The following PTK7 variants were observed in gnomAD, a reference collection of about 807,000 sequenced individuals.
PTK7 encodes protein tyrosine kinase 7 (inactive).
Under a neutral mutation model 116.6 loss-of-function variants are expected in PTK7, and 39 were observed. That is an observed-to-expected ratio of 0.33 (90% CI 0.26 to 0.44). PTK7 has a LOEUF of 0.44. Among genes scored for constraint, PTK7 ranks in the 20% least tolerant of loss-of-function variants. The pLI is 1.00. For synonymous variants in PTK7, 546 were observed against 563.6 expected, an observed-to-expected ratio of 0.97 and a Z score of 0.44; for missense variants, 1,169 against 1,425.6, an observed-to-expected ratio of 0.82 and a Z score of 2.90.
In PTK7 at chr6:43,130,404, C is replaced by T. The variant is rs1411572620; in HGVS notation, c.645C>T (p.Phe215=). The T allele has an allele frequency of 6.2e-7, 1 of 1,606,506 alleles. No homozygotes were observed. The highest frequency in any genetic ancestry group is 1.1e-5 in the South Asian group (1 of 90,778). The part of the protein sequence containing the change: ...AFGQACSSQN[F]TLSIADESFA... Reference sequence around the variant, plus strand: ...GCCAGGCTTGCAGCAGCCAGAACTTCACCTTGAGCATTGCTGGTGAGCCTG... The same window carrying T: ...GCCAGGCTTGCAGCAGCCAGAACTTTACCTTGAGCATTGCTGGTGAGCCTG... Residue 215 remains phenylalanine (F), a synonymous_variant, in exon 4 of 20, where the codon TTC becomes TTT. Transcript: ENST00000230419.
At chr6:43,144,854 TA>T (rs1020743105) in intron 15 of PTK7, 912 of 334,180 alleles carry the variant, frequency 2.7e-3, no homozygotes, top group East Asian at 3.5e-3. Flanking sequence ...ATTGACTCTT[TA>T]AAAAAAAAAA....
intron 1 of PTK7, among the ~76,000 whole-genome samples, chr6:43,107,891 C>T (rs1767980161): frequency 6.6e-6 from 1 of 152,206 alleles, no homozygotes; most frequent in Non-Finnish European, 1.5e-5. Flanking sequence ...TGCATCTGTC[C>T]TCAGGAAGCT....
intron 1 of PTK7, among the ~76,000 whole-genome samples, chr6:43,102,601 A>C (rs998984434): frequency 1.3e-5 from 2 of 150,426 alleles, no homozygotes; most frequent in Non-Finnish European, 3.0e-5. Context: ...CTACCCCACC[A>C]AAAAAAAACC....
At chr6:43,116,293 G>A (rs1301371782) in intron 1 of PTK7, among the ~76,000 whole-genome samples, 1 of 152,188 alleles carries the variant, frequency 6.6e-6, no homozygotes. Context: ...CAGCTGGCCA[G>A]CCGTGAGAAG....
chr6:43,094,206 C>G (rs1411643468), intron 1 of PTK7, among the ~76,000 whole-genome samples: 1 of 152,146 alleles, frequency 6.6e-6, no homozygotes, highest in Non-Finnish European at 1.5e-5. Context: ...GTTACTTAGG[C>G]CTGGAAAGTA....
rs1193635839 is a variant in PTK7, at chr6:43,129,007, A to G, written c.110A>G (p.Gln37Arg). The change falls in exon 2 of 20, where the codon CAG becomes CGG. Residue 37 changes from glutamine to arginine, a missense_variant. Gln to Arg is a conservative substitution (Grantham distance 43). Coordinates refer to ENST00000230419, the MANE Select transcript of PTK7 (RefSeq NM_002821.5). The surrounding 1 kb of genome is among the most constrained non-coding windows in gnomAD (Gnocchi z 4.5). ...CAGACAGCCATTGTCTTCATCAAGC[A>G]GCCGTCCTCCCAGGATGCACTGCAG... Reference protein sequence around the residue: ...GTQTAIVFIKQPSSQDALQGR... With the variant: ...GTQTAIVFIKRPSSQDALQGR... The G allele has an allele frequency of 6.2e-7, 1 of 1,612,000 alleles. No homozygotes were observed. Among genetic ancestry groups the G allele is most frequent in the Non-Finnish European group, 8.5e-7 (1 of 1,178,586 alleles).
intron 1 of PTK7, among the ~76,000 whole-genome samples, chr6:43,078,646 TG>T (rs1766196167): frequency 6.6e-6 from 1 of 152,230 alleles, no homozygotes; most frequent in African/African-American, 2.4e-5. Context: ...GAACCTAGGC[TG>T]GCTAGGTTTG....
chr6:43,116,658 GCA>G (rs375058895), intron 1 of PTK7, among the ~76,000 whole-genome samples: 15,812 of 106,624 alleles, frequency 0.15, 1,333 homozygotes, highest in African/African-American at 0.27. Context: ...GTGTGCGCGC[GCA>G]CGCACGCACG....
At chr6:43,127,784 C>T (rs1238143518) in intron 1 of PTK7, among the ~76,000 whole-genome samples, 1 of 152,162 alleles carries the variant, frequency 6.6e-6, no homozygotes, top group Admixed American at 6.5e-5. Flanking sequence ...AAAAAATTAG[C>T]CAGGCGTGGT....
At chr6:43,151,164 C>G (rs182276749) in intron 17 of PTK7, among the ~76,000 whole-genome samples, 6 of 151,780 alleles carry the variant, frequency 4.0e-5, no homozygotes, top group Admixed American at 3.9e-4. Context: ...TTCCCTGTAC[C>G]CAGAGAAGAG....
intron 17 of PTK7, among the ~76,000 whole-genome samples, chr6:43,147,458 A>C (rs1055125426): frequency 6.6e-6 from 1 of 152,114 alleles, no homozygotes; most frequent in Admixed American, 6.6e-5. Context: ...TCTGAAATGG[A>C]TCTACTTCCT....
At position 43,076,840 on chromosome 6, in the gene PTK7, A is replaced by G; in HGVS notation, c.79+273A>G. 1 of 1,442,104 alleles carries G rather than the reference A, an allele frequency of 6.9e-7. No individual in the cohort carries two copies. The highest frequency in any genetic ancestry group is 9.1e-7 in the Non-Finnish European group (1 of 1,093,764). The allele number at this position is 1,442,104 out of a possible 1,614,324, so 89.3% of individuals were successfully genotyped here. ...CTGAGTTTTTCTGGTCTGAGCCGAG[A>G]GTTTGCTCGAGAACTGCCGAGAGTT... On this transcript the variant is annotated intron_variant, in intron 1 of 19. Coordinates refer to ENST00000230419, the MANE Select transcript of PTK7 (RefSeq NM_002821.5). This position sits in a 1 kb window ranked among gnomAD's most constrained non-coding sequence, Gnocchi z 5.7.
intron 17 of PTK7, 38 bp from the exon 18 acceptor site, chr6:43,158,779 T>C: frequency 6.2e-7 from 1 of 1,603,144 alleles, no homozygotes; most frequent in Non-Finnish European, 8.5e-7. Flanking sequence ...TTGATGCCTA[T>C]TCCTGGGCTG....
At chr6:43,120,952 T>C (rs1006495418) in intron 1 of PTK7, among the ~76,000 whole-genome samples, 1 of 151,972 alleles carries the variant, frequency 6.6e-6, no homozygotes, top group Non-Finnish European at 1.5e-5. Flanking sequence ...GCAAGAGGCA[T>C]GTACTGGGTA....
intron 1 of PTK7, among the ~76,000 whole-genome samples, chr6:43,104,577 A>G (rs1296630207): frequency 6.6e-6 from 1 of 151,914 alleles, no homozygotes; most frequent in East Asian, 1.9e-4. Flanking sequence ...CGCCTAGCTA[A>G]TTTTTGTATT....
At chr6:43,137,233 G>A (rs1770095404) in intron 7 of PTK7, among the ~76,000 whole-genome samples, 1 of 152,186 alleles carries the variant, frequency 6.6e-6, no homozygotes, top group Non-Finnish European at 1.5e-5. Flanking sequence ...TAAACAAGGA[G>A]ACCCATACTA....
At chr6:43,134,164 A>G (rs899329121) in intron 7 of PTK7, among the ~76,000 whole-genome samples, 10 of 152,014 alleles carry the variant, frequency 6.6e-5, no homozygotes, top group African/African-American at 2.2e-4. Context: ...TCAGCCTCCC[A>G]AGTAGCTGGG....
At chr6:43,128,738 T>TCA (rs1302939888) in intron 1 of PTK7, among the ~76,000 whole-genome samples, 1 of 152,092 alleles carries the variant, frequency 6.6e-6, no homozygotes, top group Non-Finnish European at 1.5e-5. Context: ...TGAGCTGAGA[T>TCA]CACACCACCA....
At chr6:43,103,568 C>T (rs748005394) in intron 1 of PTK7, among the ~76,000 whole-genome samples, 14 of 152,126 alleles carry the variant, frequency 9.2e-5, no homozygotes, top group Non-Finnish European at 1.2e-4. Context: ...CAAATATGCC[C>T]AATCAGACAT....
Sources: allele counts gnomAD v4.1 joint callset (sites outside exome capture counted in the v4.1 genomes callset), GRCh38; gene constraint gnomAD v4.1.1; non-coding constraint Gnocchi (gnomAD v3.1); transcripts MANE v1.5; gene names NCBI Gene and HGNC (gene_info 2026-07-23, HGNC 2026-07-21).